The following TBC1D5 variants were observed in gnomAD, a reference collection of about 807,000 sequenced individuals.
TBC1D5 encodes the protein TBC1 domain family member 5, also known as TBC1 domain family, member 5.
TBC1D5 carries 75 observed loss-of-function variants against 100.3 expected under a neutral mutation model. That is an observed-to-expected ratio of 0.75 (90% confidence interval 0.62 to 0.91). The LOEUF (loss-of-function observed/expected upper bound fraction) is 0.91, where lower values mean the gene tolerates loss of function less well. TBC1D5 is among the 40% of genes least tolerant of loss of function. The pLI is 0.00. For synonymous variants in TBC1D5, 323 were observed against 325.6 expected (o/e 0.99, Z 0.09); for missense variants, 910 against 942.4 (o/e 0.97, Z 0.45).
chr3:17,583,001 C>T (rs530960085), intron 2 of TBC1D5, among the ~76,000 whole-genome samples: 6 of 151,950 alleles, frequency 3.9e-5, no homozygotes, highest in Non-Finnish European at 7.4e-5. Context: ...AAATAAAATA[C>T]GGGCCAGGAA....
chr3:17,174,566 T>C (rs1217208412), intron 19 of TBC1D5, among the ~76,000 whole-genome samples: 1 of 151,200 alleles, frequency 6.6e-6, no homozygotes, highest in African/African-American at 2.4e-5. Flanking sequence ...CACCTCACCA[T>C]TCCCCTAGAA....
intron 1 of TBC1D5, among the ~76,000 whole-genome samples, chr3:17,670,499 G>A (rs531657213): frequency 3.3e-5 from 5 of 152,148 alleles, no homozygotes; most frequent in Admixed American, 3.3e-4. Context: ...CAGTGGAAAG[G>A]GGGATCTCAC....
At chr3:17,477,154 G>A (rs2095447336) in intron 3 of TBC1D5, among the ~76,000 whole-genome samples, 1 of 151,800 alleles carries the variant, frequency 6.6e-6, no homozygotes, top group South Asian at 2.1e-4. Context: ...TACAACTACT[G>A]AAATGACTTT....
intron 18 of TBC1D5, among the ~76,000 whole-genome samples, chr3:17,196,790 C>G (rs1422748678): frequency 1.3e-5 from 2 of 152,158 alleles, no homozygotes; most frequent in Non-Finnish European, 2.9e-5. Flanking sequence ...TCCTCCAACT[C>G]GCCAAATCCA....
exon 22 of TBC1D5, chr3:17,157,920 G>GTTA (rs1553583322): frequency 6.6e-6 from 1 of 151,976 alleles, no homozygotes; most frequent in Non-Finnish European, 1.5e-5. Flanking sequence ...GAGTCAACTG[G>GTTA]TCATCTGCAG....
chr3:17,342,415 A>G (rs1014107207), intron 13 of TBC1D5, among the ~76,000 whole-genome samples: 2 of 152,228 alleles, frequency 1.3e-5, no homozygotes, highest in African/African-American at 4.8e-5. Flanking sequence ...TTTCAGAATC[A>G]CATGCCTCTT....
chr3:17,164,510 T>C (rs998327339), intron 21 of TBC1D5, among the ~76,000 whole-genome samples: 1 of 152,208 alleles, frequency 6.6e-6, no homozygotes, highest in African/African-American at 2.4e-5. Context: ...GCAGGGGATA[T>C]ATCCCATAGC....
chr3:17,169,813 G>A (rs1247476433), intron 19 of TBC1D5, among the ~76,000 whole-genome samples: 1 of 152,186 alleles, frequency 6.6e-6, no homozygotes, highest in African/African-American at 2.4e-5. Flanking sequence ...TGGTACCAGA[G>A]ACTGGTTTCA....
chr3:17,334,911 G>C (rs958347825), intron 13 of TBC1D5, among the ~76,000 whole-genome samples: 1 of 151,944 alleles, frequency 6.6e-6, no homozygotes, highest in East Asian at 1.9e-4. Flanking sequence ...TCAATTTTGG[G>C]GGGAAAATCT....
chr3:17,689,249 C>T (rs1455827091), intron 1 of TBC1D5, among the ~76,000 whole-genome samples: 1 of 152,070 alleles, frequency 6.6e-6, no homozygotes, highest in Non-Finnish European at 1.5e-5. Flanking sequence ...GTTAGACACT[C>T]ACAACAAAGT....
At chr3:17,171,868 C>T (rs1175233666) in intron 19 of TBC1D5, among the ~76,000 whole-genome samples, 2 of 152,138 alleles carry the variant, frequency 1.3e-5, no homozygotes, top group Admixed American at 6.6e-5. Context: ...ACAATGCAAC[C>T]TACTAATCTT....
chr3:17,320,826 G>A (rs2085317125), intron 13 of TBC1D5, among the ~76,000 whole-genome samples: 1 of 152,076 alleles, frequency 6.6e-6, no homozygotes, highest in Non-Finnish European at 1.5e-5. Context: ...ATTTCTATAT[G>A]TATTGAGGGT....
At chr3:17,346,757 A>C (rs954696338) in intron 13 of TBC1D5, among the ~76,000 whole-genome samples, 1 of 152,132 alleles carries the variant, frequency 6.6e-6, no homozygotes, top group Non-Finnish European at 1.5e-5. Flanking sequence ...CAGCATATGG[A>C]GTGGGGTATG....
chr3:17,407,614 T>C (rs948208153), intron 4 of TBC1D5, among the ~76,000 whole-genome samples: 20 of 152,090 alleles, frequency 1.3e-4, no homozygotes, highest in African/African-American at 4.8e-4. Flanking sequence ...ATGCTTAGAG[T>C]AATGAACTGT....
intron 3 of TBC1D5, among the ~76,000 whole-genome samples, chr3:17,447,108 C>A (rs2094817151): frequency 6.6e-6 from 1 of 152,050 alleles, no homozygotes; most frequent in Admixed American, 6.6e-5. Context: ...CAGATAAAAT[C>A]TTAAAATAGA....
At chr3:17,613,979 G>A (rs189029358) in intron 2 of TBC1D5, among the ~76,000 whole-genome samples, 16 of 152,218 alleles carry the variant, frequency 1.1e-4, no homozygotes, top group Admixed American at 8.5e-4. Flanking sequence ...TGTCCTGAAT[G>A]GTATTCCCTA....
At chr3:17,485,485 TC>T (rs1025524059) in intron 3 of TBC1D5, among the ~76,000 whole-genome samples, 2 of 59,720 alleles carry the variant, frequency 3.3e-5, no homozygotes, top group African/African-American at 6.7e-5. Flanking sequence ...CCCTCCCCCA[TC>T]CCCCCTCCCC....
intron 3 of TBC1D5, among the ~76,000 whole-genome samples, chr3:17,501,639 C>G (rs2095789213): frequency 6.7e-6 from 1 of 149,164 alleles, no homozygotes; most frequent in South Asian, 2.1e-4. Context: ...AACCACCTTC[C>G]ATGATAGCAA....
At chr3:17,347,838 A>C (rs1283572978) in intron 13 of TBC1D5, among the ~76,000 whole-genome samples, 1 of 152,130 alleles carries the variant, frequency 6.6e-6, no homozygotes, top group Non-Finnish European at 1.5e-5. Context: ...ATCTCTAAAA[A>C]ACAACAACAA....
Sources: allele counts gnomAD v4.1 joint callset (sites outside exome capture counted in the v4.1 genomes callset), GRCh38; gene constraint gnomAD v4.1.1; transcripts MANE v1.5; gene names NCBI Gene and HGNC (gene_info 2026-07-23, HGNC 2026-07-21).